Variants in CACNA1A observed in about 807,000 individuals in gnomAD.
CACNA1A encodes calcium voltage-gated channel subunit alpha1 A.
Under a neutral mutation model 262.4 loss-of-function variants are expected in CACNA1A, and 57 were observed. The ratio of observed to expected loss-of-function variants is 0.22; its 90% CI spans 0.18 to 0.27. CACNA1A has a LOEUF of 0.27. CACNA1A is among the 10% of genes least tolerant of loss of function. CACNA1A has a pLI of 1.00. For missense variants in CACNA1A, 2,526 were observed against 3,562.8 expected, an observed-to-expected ratio of 0.71 and a Z score of 7.41; for synonymous variants, 1,431 against 1,419.3, an observed-to-expected ratio of 1.01 and a Z score of -0.18.
At chr19:13,385,217 C>A (rs2059588246) in intron 3 of CACNA1A, among the ~76,000 whole-genome samples, 1 of 148,058 alleles carries the variant, frequency 6.8e-6, no homozygotes, top group Non-Finnish European at 1.5e-5. Context: ...CAGATATTTT[C>A]TATTCTTTCT....
rs1236865506 is a variant in CACNA1A at position 13,360,469 on chromosome 19, C to T, written c.785-670G>A. Among the ~76,000 whole-genome samples the T allele has an allele frequency of 2.1e-5, 3 of 146,194 alleles. No individual in the cohort carries two copies. The Admixed American group carries it at 2.1e-4, about 10-fold the overall frequency. On this transcript the variant is annotated intron_variant, in intron 5 of 46. Coordinates refer to ENST00000360228, the MANE Select transcript of CACNA1A (RefSeq NM_001127222.2). ...CCCCTCCAAACACTTTGCCTTGCCA[C>T]TAGAATTTTTTTTTTTTTTTTTTTT...
At chr19:13,293,997 G>C (rs973156535) in intron 19 of CACNA1A, among the ~76,000 whole-genome samples, 1 of 152,058 alleles carries the variant, frequency 6.6e-6, no homozygotes, top group African/African-American at 2.4e-5. Context: ...TTGTTAGGGA[G>C]AGACATTTTG....
intron 3 of CACNA1A, among the ~76,000 whole-genome samples, chr19:13,413,875 T>C (rs1196336730): frequency 1.2e-5 from 1 of 84,686 alleles, no homozygotes; most frequent in Non-Finnish European, 1.9e-5. Flanking sequence ...AGCCAGACTC[T>C]GTCAAGAAAG....
At chr19:13,466,877 A>ATTATTTATTTATTTAT (rs59575263) in intron 1 of CACNA1A, among the ~76,000 whole-genome samples, 11,252 of 142,506 alleles carry the variant, frequency 0.079, 505 homozygotes, top group African/African-American at 0.11. Context: ...TTAAATTTCC[A>ATTATTTATTTATTTAT]TTATTTATTT....
chr19:13,300,227 G>A (rs978890424), intron 18 of CACNA1A, among the ~76,000 whole-genome samples: 1 of 152,150 alleles, frequency 6.6e-6, no homozygotes, highest in African/African-American at 2.4e-5. Context: ...TTTCTCTGTA[G>A]TTCCATCGCC....
chr19:13,453,158 T>C, intron 2 of CACNA1A, 143 bp from the exon 3 acceptor site: 1 of 790,924 alleles, frequency 1.3e-6, no homozygotes, highest in Admixed American at 2.6e-5. Flanking sequence ...CACTGCCTCT[T>C]GCAGAGTTCT....
chr19:13,455,222 A>G lies in CACNA1A; in HGVS notation c.294-10T>C. ...CATATATTCAAAGGGAGTATTGGGG[A>G]ATTAAGGAAAAATCTTGTTCAAAGA... is the stretch of plus-strand genomic sequence containing the variant. On this transcript the variant is annotated splice_polypyrimidine_tract_variant and intron_variant, in intron 1 of 46. Transcript: ENST00000360228. 6.5e-7 allele frequency: 1 copy of G among 1,539,794 alleles called. No homozygotes were observed. The highest frequency in any genetic ancestry group is 9.0e-7 in the Non-Finnish European group (1 of 1,112,782).
In CACNA1A at chr19:13,285,038, C is replaced by A. The variant is rs777509847; in HGVS notation, c.3692+30G>T. On this transcript the variant is annotated intron_variant, in intron 21 of 46. Coordinates refer to ENST00000360228, the MANE Select transcript of CACNA1A (RefSeq NM_001127222.2). ...GCCACCCTGGTGGGAGCCCCAGGCCCCCCCTGCCCTTGCTGGGGGCCATAC... is the reference window on the plus strand; with the variant it reads ...GCCACCCTGGTGGGAGCCCCAGGCCACCCCTGCCCTTGCTGGGGGCCATAC... 12 of 1,613,340 alleles carry A rather than the reference C, an allele frequency of 7.4e-6. No homozygotes were observed. In the South Asian group the frequency reaches 1.3e-4, roughly 18 times the overall value.
At position 13,212,595 on chromosome 19, in the gene CACNA1A, C is replaced by G. The variant is rs1277260529; in HGVS notation, c.6050+36G>C. 6.6e-7 allele frequency: 1 copy of G among 1,509,146 alleles called. No individual in the cohort carries two copies. Among genetic ancestry groups the G allele is most frequent in the Non-Finnish European group, 8.9e-7 (1 of 1,121,834 alleles). 93.5% of individuals were successfully genotyped at this position (1,509,146 alleles called of 1,614,324 possible). ...TCCAGAACGTGGGGACCACGGCACC[C>G]CCACACTCCACCTCCCTGGCAGGGG... On this transcript the variant is annotated intron_variant, in intron 41 of 46. Transcript: ENST00000360228. The surrounding 1 kb of genome is among the most constrained non-coding windows in gnomAD (Gnocchi z 5.6).
In CACNA1A at chr19:13,419,484, T is replaced by C. The variant is rs564419344; in HGVS notation, c.539+33392A>G. ...TGAGCCCAGGAGTTTGAGACCAGCC[T>C]TTGGTAACATAGGGAGACCCCACCT... On this transcript the variant is annotated intron_variant, in intron 3 of 46. Coordinates refer to ENST00000360228, the MANE Select transcript of CACNA1A (RefSeq NM_001127222.2). Among the ~76,000 whole-genome samples, 14 of 152,076 alleles carry C rather than the reference T, an allele frequency of 9.2e-5. No individual in the cohort carries two copies. The South Asian group carries it at 2.9e-3, about 32-fold the overall frequency.
intron 34 of CACNA1A, among the ~76,000 whole-genome samples, chr19:13,234,066 A>AG (rs2055771051): frequency 6.9e-6 from 1 of 144,936 alleles, no homozygotes; most frequent in Non-Finnish European, 1.5e-5. Context: ...AAAAAAAAAA[A>AG]GGGCTGGGCA....
intron 3 of CACNA1A, among the ~76,000 whole-genome samples, chr19:13,403,188 T>A (rs1233374468): frequency 2.0e-5 from 3 of 151,632 alleles, no homozygotes; most frequent in Non-Finnish European, 4.4e-5. Context: ...CACTACCTCA[T>A]AAGAACCAGA....
chr19:13,349,788 C>G (rs2058873158), intron 6 of CACNA1A, among the ~76,000 whole-genome samples: 1 of 152,154 alleles, frequency 6.6e-6, no homozygotes, highest in African/African-American at 2.4e-5. Context: ...AAGGCCCTAG[C>G]TCAGAGAGTT....
At chr19:13,405,205 A>T (rs2059982146) in intron 3 of CACNA1A, among the ~76,000 whole-genome samples, 1 of 141,866 alleles carries the variant, frequency 7.0e-6, no homozygotes, top group African/African-American at 2.7e-5. Flanking sequence ...CATTATTATT[A>T]TTTTTGAGAT....
intron 34 of CACNA1A, 182 bp downstream of exon 34, chr19:13,234,739 C>T (rs2055812736): frequency 2.4e-6 from 1 of 410,598 alleles, no homozygotes; most frequent in Non-Finnish European, 4.0e-6. Flanking sequence ...CGTCCCCTAC[C>T]GGAAGAGAAG....
At chr19:13,245,507 C>A (rs2144693084) in intron 30 of CACNA1A, 1 of 543,732 alleles carries the variant, frequency 1.8e-6, no homozygotes, top group African/African-American at 1.9e-5. Context: ...CCAGACCCTG[C>A]TTCAGCTCCA....
chr19:13,353,766 C>T (rs2058955966), intron 6 of CACNA1A, among the ~76,000 whole-genome samples: 1 of 152,152 alleles, frequency 6.6e-6, no homozygotes, highest in South Asian at 2.1e-4. Context: ...GGTGAGCTGC[C>T]ACTGTTCTCC....
intron 19 of CACNA1A, among the ~76,000 whole-genome samples, chr19:13,293,439 CTTTTTTTT>C (rs974515720): frequency 1.2e-5 from 1 of 80,834 alleles, no homozygotes; most frequent in South Asian, 6.3e-4. Context: ...TCAGTTAAAT[CTTTTTTTT>C]TTTTTTTTTT....
chr19:13,209,380 T>C lies in CACNA1A; in HGVS notation c.6458A>G (p.Gln2153Arg), dbSNP rs1242460645. The C allele has an allele frequency of 2.9e-6, 4 of 1,397,778 alleles. No individual in the cohort carries two copies. Among genetic ancestry groups the C allele is most frequent in the Non-Finnish European group, 2.8e-6 (3 of 1,072,116 alleles). 86.6% of individuals were successfully genotyped at this position (1,397,778 alleles called of 1,614,324 possible). The change falls in exon 45 of 47, where the codon CAG becomes CGG. Residue 2153 changes from glutamine (Q) to arginine (R), a missense_variant. By Grantham distance (43) the Gln-to-Arg change is conservative. Transcript: ENST00000360228. ...GCGGTGGCTGCGGTCGCGGCGCCGC[T>C]GGTGGTGCCGCTGGTTCTCCTCGGG... ...VPPEENQRHH[Q>R]RRRDRSHRAS...
Sources: allele counts gnomAD v4.1 joint callset (sites outside exome capture counted in the v4.1 genomes callset), GRCh38; gene constraint gnomAD v4.1.1; non-coding constraint Gnocchi (gnomAD v3.1); transcripts MANE v1.5; gene names NCBI Gene and HGNC (gene_info 2026-07-23, HGNC 2026-07-21).